The following CEP295 variants were observed in gnomAD, a reference collection of about 807,000 sequenced individuals.
CEP295 encodes the protein centrosomal protein 295.
CEP295 carries 190 observed loss-of-function variants against 291.6 expected under a neutral mutation model. That is an observed-to-expected ratio of 0.65 (90% confidence interval 0.58 to 0.73). The LOEUF (loss-of-function observed/expected upper bound fraction) is 0.73, where lower values mean the gene tolerates loss of function less well. Among genes scored for constraint, CEP295 ranks in the 30% least tolerant of loss-of-function variants. The pLI, the probability that CEP295 is intolerant of heterozygous loss-of-function variation, is 0.00. For synonymous variants in CEP295, 993 were observed against 1,038.8 expected, an observed-to-expected ratio of 0.96 and a Z score of 0.85; for missense variants, 2,863 against 2,949.4, an observed-to-expected ratio of 0.97 and a Z score of 0.68.
intron 5 of CEP295, among the ~76,000 whole-genome samples, chr11:93,673,992 G>A (rs962918546): frequency 9.5e-5 from 14 of 147,990 alleles, no homozygotes; most frequent in East Asian, 2.0e-4. Flanking sequence ...TTGCTCTGTC[G>A]CCCAGGTTGG....
At chr11:93,708,811 A>G (rs1003419008) in intron 18 of CEP295, among the ~76,000 whole-genome samples, 3 of 152,168 alleles carry the variant, frequency 2.0e-5, no homozygotes, top group African/African-American at 4.8e-5. Flanking sequence ...AACATTCATT[A>G]TTACCTGTCT....
At chr11:93,707,813 A>G (rs1952618422) in intron 18 of CEP295, among the ~76,000 whole-genome samples, 1 of 152,092 alleles carries the variant, frequency 6.6e-6, no homozygotes, top group Admixed American at 6.6e-5. Flanking sequence ...TTTTAGCTGT[A>G]CACCTAGTAA....
Position 93,729,961 on chromosome 11 carries a change from G to T in CEP295, c.7659G>T (p.Arg2553Ser). The T allele has an allele frequency of 1.3e-6, 2 of 1,533,534 alleles. No individual in the cohort carries two copies. The highest frequency in any genetic ancestry group is 1.8e-6 in the Non-Finnish European group (2 of 1,142,228). 95.0% of individuals were successfully genotyped at this position (1,533,534 alleles called of 1,614,324 possible). ...CTACACAGGCTCTAAGGCACCAAAG[G>T]GGTCTAAGGTAGGGTTAATTTTTTT... ...RKTTQALRHQ[R>S]GLRLYNQLAE... Residue 2553 changes from arginine (R) to serine (S), a missense_variant, in exon 28 of 30, where the codon AGG becomes AGT. By Grantham distance (110) the Arg-to-Ser change is moderately radical. Around this residue, in one of 3 missense-constraint regions of CEP295, gnomAD observed 2,295 missense variants for 2,335.7 expected, o/e 0.98. Coordinates refer to ENST00000325212, the MANE Select transcript of CEP295 (RefSeq NM_033395.2).
Position 93,697,820 on chromosome 11 carries a change from G to A in CEP295, c.2908G>A (p.Ala970Thr). The change falls in exon 15 of 30, where the codon GCC becomes ACC. Residue 970 changes from alanine (A) to threonine (T), a missense_variant. By Grantham distance (58) the Ala-to-Thr change is moderately conservative. Around this residue, in one of 3 missense-constraint regions of CEP295, gnomAD observed 2,295 missense variants for 2,335.7 expected, o/e 0.98. Coordinates refer to ENST00000325212, the MANE Select transcript of CEP295 (RefSeq NM_033395.2). The part of the protein sequence containing the change: ...QKDSLQARRE[A>T]QEVLYVHKQS... Reference sequence around the variant, plus strand: ...GGATAGCCTTCAGGCTAGGCGAGAAGCCCAGGAAGTATTGTATGTACATAA... The same window carrying A: ...GGATAGCCTTCAGGCTAGGCGAGAAACCCAGGAAGTATTGTATGTACATAA... The A allele has an allele frequency of 6.4e-7, 1 of 1,551,752 alleles. No homozygotes were observed. The highest frequency in any genetic ancestry group is 1.2e-5 in the South Asian group (1 of 84,060).
rs1420481768 is a variant in CEP295, at chr11:93,666,810, C to T, written c.103C>T (p.Leu35=). ...TGAAAGAAGGCGAAAACTAAGATTG[C>T]TACAGGTATGACTTATTTGTAATAA... ...DYERRRKLRL[L]QVREQERDIA... is the part of the protein sequence containing the mutation. Residue 35 remains leucine (L), a synonymous_variant, in exon 2 of 30, where the codon CTA becomes TTA. Coordinates refer to ENST00000325212, the MANE Select transcript of CEP295 (RefSeq NM_033395.2). 5 of 1,501,084 alleles carry T rather than the reference C, an allele frequency of 3.3e-6. No homozygotes were observed. Among genetic ancestry groups the T allele is most frequent in the Admixed American group, 2.0e-5 (1 of 50,120 alleles). The allele number at this position is 1,501,084 out of a possible 1,614,324, so 93.0% of individuals were successfully genotyped here.
chr11:93,716,621 G>C (rs563792800), intron 18 of CEP295, among the ~76,000 whole-genome samples: 1 of 152,344 alleles, frequency 6.6e-6, no homozygotes, highest in South Asian at 2.1e-4. Flanking sequence ...AACAAAGACA[G>C]TACTTGGCTT....
chr11:93,698,182 G>A lies in CEP295; in HGVS notation c.3270G>A (p.Gly1090=). 2 of 1,552,016 alleles carry A rather than the reference G, an allele frequency of 1.3e-6. No individual in the cohort carries two copies. Among genetic ancestry groups the A allele is most frequent in the Middle Eastern group, 3.3e-4 (2 of 5,994 alleles). The change falls in exon 15 of 30, where the codon GGG becomes GGA. Residue 1090 remains glycine, a synonymous_variant. Coordinates refer to ENST00000325212, the MANE Select transcript of CEP295 (RefSeq NM_033395.2). ...TTTTACATAGACAAAGAGATTTGGG[G>A]GACAGTAAGTCTGGGCTGGTGAGCT... ...ELLLHRQRDL[G]DSKSGLVSSS...
At chr11:93,696,080 T>C (rs932073746) in intron 13 of CEP295, among the ~76,000 whole-genome samples, 1 of 152,220 alleles carries the variant, frequency 6.6e-6, no homozygotes, top group Non-Finnish European at 1.5e-5. Context: ...GCTTTCATCT[T>C]TCAGTTTCTA....
intron 7 of CEP295, among the ~76,000 whole-genome samples, chr11:93,681,786 A>G (rs12795251): frequency 2.6e-3 from 393 of 151,756 alleles, no homozygotes; most frequent in Non-Finnish European, 4.7e-3. Flanking sequence ...ACCTCAAACA[A>G]TCTGCCTGCC....
chr11:93,700,639 G>T (rs1314751055), intron 15 of CEP295, among the ~76,000 whole-genome samples: 1 of 151,130 alleles, frequency 6.6e-6, no homozygotes, highest in Non-Finnish European at 1.5e-5. Context: ...TCCCCATGTT[G>T]CTGGGATTAC....
Position 93,669,759 on chromosome 11 carries a change from A to C in CEP295, c.517A>C (p.Thr173Pro). ...KITSLPPPPP[T>P]LFENIEVKRI... Reference sequence around the variant, plus strand: ...TACAAGTCTGCCACCTCCTCCTCCAACTCTTTTTGAGGTGAGTTTGAGTAT... The same window carrying C: ...TACAAGTCTGCCACCTCCTCCTCCACCTCTTTTTGAGGTGAGTTTGAGTAT... The change falls in exon 5 of 30, where the codon ACT becomes CCT. Residue 173 changes from threonine (T) to proline (P), a missense_variant. Coordinates refer to ENST00000325212, the MANE Select transcript of CEP295 (RefSeq NM_033395.2). 1 of 1,548,746 alleles carries C rather than the reference A, an allele frequency of 6.5e-7. No homozygotes were observed. The highest frequency in any genetic ancestry group is 8.7e-7 in the Non-Finnish European group (1 of 1,144,708).
chr11:93,697,370 T>C lies in CEP295; in HGVS notation c.2458T>C (p.Ser820Pro), dbSNP rs1206041570. 1 of 1,551,952 alleles carries C rather than the reference T, an allele frequency of 6.4e-7. No homozygotes were observed. The highest frequency in any genetic ancestry group is 1.2e-5 in the South Asian group (1 of 84,046). The change falls in exon 15 of 30, where the codon TCC (serine) becomes CCC (proline). Residue 820 changes from serine to proline, a missense_variant. By Grantham distance (74) the Ser-to-Pro change is moderately conservative. This residue lies in a region of CEP295 where 2,295 missense variants were observed against 2,335.7 expected (regional missense o/e 0.98). Coordinates refer to ENST00000325212, the MANE Select transcript of CEP295 (RefSeq NM_033395.2). ...PFSAMSKSTV[S>P]TSHSIISQMH... Reference sequence around the variant, plus strand: ...TTCAGCCATGAGCAAAAGTACAGTTTCCACAAGCCATTCTATAATCAGCCA... The same window carrying C: ...TTCAGCCATGAGCAAAAGTACAGTTCCCACAAGCCATTCTATAATCAGCCA...
chr11:93,678,380 G>A (rs569160372), intron 6 of CEP295, among the ~76,000 whole-genome samples: 11 of 152,044 alleles, frequency 7.2e-5, no homozygotes, highest in Admixed American at 2.6e-4. Context: ...GGCTCAAAGC[G>A]GTTATATTCT....
chr11:93,691,448 T>C (rs951641347), intron 10 of CEP295, among the ~76,000 whole-genome samples: 9 of 152,238 alleles, frequency 5.9e-5, no homozygotes, highest in Non-Finnish European at 1.2e-4. Context: ...TATCAGCGTA[T>C]CTATTAAATC....
intron 1 of CEP295, among the ~76,000 whole-genome samples, chr11:93,661,996 C>G (rs1408416033): frequency 1.3e-5 from 2 of 152,322 alleles, no homozygotes; most frequent in Admixed American, 1.3e-4. Flanking sequence ...TAACTCAGTG[C>G]GAGAGGCTTT....
chr11:93,698,430 A>G lies in CEP295; in HGVS notation c.3518A>G (p.Gln1173Arg). The G allele has an allele frequency of 6.4e-7, 1 of 1,552,090 alleles. No homozygotes were observed. The highest frequency in any genetic ancestry group is 8.7e-7 in the Non-Finnish European group (1 of 1,147,066). The change falls in exon 15 of 30, where the codon CAA (glutamine) becomes CGA (arginine). Residue 1173 changes from glutamine to arginine, a missense_variant. Around this residue, in one of 3 missense-constraint regions of CEP295, gnomAD observed 2,295 missense variants for 2,335.7 expected, o/e 0.98. Transcript: ENST00000325212. ...ATACTCCAAGAACAGTCACAAATAC[A>G]AAGGGTAATACTTGGTGCTAAAGAA... The part of the protein sequence containing the change: ...LTILQEQSQI[Q>R]RVILGAKEGT...
chr11:93,704,746 AATACTTCTATCATC>A (rs1278652980), intron 17 of CEP295, among the ~76,000 whole-genome samples: 1 of 152,194 alleles, frequency 6.6e-6, no homozygotes, highest in Non-Finnish European at 1.5e-5. Context: ...TTCTTAGGGT[AATACTTCTATCATC>A]ATATTACATG....
In CEP295 at chr11:93,727,070, AAG is replaced by A. The variant is rs1954204833; in HGVS notation, c.6598_6599del (p.Asp2200PhefsTer13). Reference protein sequence around the residue: ...DLPSIFSIEARDSSQGMKNQN... With the variant: ...DLPSIFSIEAXDSSQGMKNQN... Reference sequence around the variant, plus strand: ...TACCAAGTATTTTTAGCATTGAAGCAAGAGATTCTTCCCAAGGCATGAAAAAT... The same window carrying A: ...TACCAAGTATTTTTAGCATTGAAGCAAGATTCTTCCCAAGGCATGAAAAAT... On this transcript the variant is annotated frameshift_variant, in exon 24 of 30. Transcript: ENST00000325212. LOFTEE classifies it high-confidence loss of function. The A allele has an allele frequency of 1.3e-6, 2 of 1,551,686 alleles. No individual in the cohort carries two copies. Among genetic ancestry groups the A allele is most frequent in the Admixed American group, 2.0e-5 (1 of 50,978 alleles).
At chr11:93,675,271 C>G (rs1369101614) in intron 5 of CEP295, among the ~76,000 whole-genome samples, 1 of 151,804 alleles carries the variant, frequency 6.6e-6, no homozygotes, top group Non-Finnish European at 1.5e-5. Context: ...CCTGTAAGCC[C>G]TTCTATATTC....
Sources: gnomAD v4.1 joint callset for allele counts (sites outside exome capture counted in the v4.1 genomes callset) on GRCh38, gnomAD v4.1.1 for gene constraint, gnomAD v4.1.1 regional missense constraint, MANE v1.5 for transcripts, NCBI Gene and HGNC (gene_info 2026-07-23, HGNC 2026-07-21) for gene names.